The following MAP3K20 variants were observed in gnomAD, a reference collection of about 807,000 sequenced individuals.
The protein encoded by MAP3K20 is mitogen-activated protein kinase kinase kinase 20.
Under a neutral mutation model 85.7 loss-of-function variants are expected in MAP3K20, and 40 were observed. That is an observed-to-expected ratio of 0.47 (90% confidence interval 0.36 to 0.61). The LOEUF (loss-of-function observed/expected upper bound fraction) is 0.61, where lower values mean the gene tolerates loss of function less well. MAP3K20 is among the 20% of genes least tolerant of loss of function. MAP3K20 has a pLI of 0.00. For missense variants in MAP3K20, 817 were observed against 961.7 expected, an observed-to-expected ratio of 0.85 and a Z score of 1.99; for synonymous variants, 325 against 327.7, an observed-to-expected ratio of 0.99 and a Z score of 0.09.
intron 18 of MAP3K20, among the ~76,000 whole-genome samples, chr2:173,261,338 C>T (rs1685287157): frequency 6.6e-6 from 1 of 152,208 alleles, no homozygotes; most frequent in African/African-American, 2.4e-5. Flanking sequence ...ACAGGATAAA[C>T]TTACCCAGAT....
intron 9 of MAP3K20, 69 bp downstream of exon 9, chr2:173,203,939 A>C: frequency 1.4e-6 from 2 of 1,401,954 alleles, no homozygotes; most frequent in Non-Finnish European, 2.0e-6. Flanking sequence ...CAGTTTTTAA[A>C]ACTTAGGGTA....
chr2:173,104,659 A>G (rs1687735478), intron 2 of MAP3K20, among the ~76,000 whole-genome samples: 2 of 152,150 alleles, frequency 1.3e-5, no homozygotes, highest in South Asian at 4.1e-4. Context: ...GGCAAGAAGA[A>G]CTATCTGTAC....
rs921179281 is a variant in MAP3K20 at position 173,267,791 on chromosome 2, T to A, written c.*1041T>A. ...CCAGAGAAATTTAAAATTACCAACA[T>A]CCTTGTTGGAGTAAGACAGTAAATA... On this transcript the variant is annotated 3_prime_UTR_variant, in exon 20 of 20. Transcript: ENST00000375213. The A allele has an allele frequency of 6.6e-6, 1 of 152,156 alleles. No individual in the cohort carries two copies. The highest frequency in any genetic ancestry group is 1.5e-5 in the Non-Finnish European group (1 of 68,046). The allele number at this position is 152,156 out of a possible 1,614,324, so 9.4% of individuals were successfully genotyped here. A position where few individuals can be genotyped will look rare whatever the true frequency, so the allele number is the denominator to read the frequency against.
intron 2 of MAP3K20, among the ~76,000 whole-genome samples, chr2:173,161,038 A>G (rs1353570857): frequency 1.3e-5 from 2 of 152,250 alleles, no homozygotes; most frequent in Admixed American, 6.5e-5. Flanking sequence ...AATTGGAAAT[A>G]GAGGGTTTAA....
chr2:173,216,474 G>T (rs1684074293), intron 10 of MAP3K20, among the ~76,000 whole-genome samples: 2 of 151,418 alleles, frequency 1.3e-5, no homozygotes, highest in Non-Finnish European at 2.9e-5. Flanking sequence ...TCTAAGGAAG[G>T]GTCCTAGAAA....
At position 173,209,733 on chromosome 2, in the gene MAP3K20, G is replaced by A. The variant is rs1683817384; in HGVS notation, c.749G>A (p.Arg250Gln). 2.5e-6 allele frequency: 4 copies of A among 1,603,244 alleles called. No homozygotes were observed. The highest frequency in any genetic ancestry group is 2.6e-6 in the Non-Finnish European group (3 of 1,175,578). Residue 250 changes from arginine to glutamine, a missense_variant, in exon 10 of 20, where the codon CGG (arginine) becomes CAG (glutamine). By Grantham distance (43) the Arg-to-Gln change is conservative (BLOSUM62 1). Coordinates refer to ENST00000375213, the MANE Select transcript of MAP3K20 (RefSeq NM_016653.3). ...TACTTATTTTCTCTTCTTCAGAAAC[G>A]GCCATCATTCAAGCAAATCATTTCA... The part of the protein sequence containing the change: ...HQCWEADAKK[R>Q]PSFKQIISIL...
intron 3 of MAP3K20, among the ~76,000 whole-genome samples, chr2:173,178,299 T>C (rs2106260259): frequency 6.6e-6 from 1 of 152,286 alleles, no homozygotes; most frequent in East Asian, 1.9e-4. Flanking sequence ...ACAATTGTCT[T>C]AAAAAGATAC....
chr2:173,262,907 G>A (rs899648053), intron 18 of MAP3K20, among the ~76,000 whole-genome samples: 4 of 152,216 alleles, frequency 2.6e-5, no homozygotes, highest in African/African-American at 9.6e-5. Context: ...AGAACAACCA[G>A]ATTCTACCTC....
intron 2 of MAP3K20, among the ~76,000 whole-genome samples, chr2:173,139,346 T>C (rs1400000500): frequency 1.3e-5 from 2 of 152,242 alleles, no homozygotes; most frequent in Non-Finnish European, 2.9e-5. Context: ...GAATTCTGAT[T>C]GCTTATGAAG....
At chr2:173,164,901 A>G (rs1359241223) in intron 2 of MAP3K20, among the ~76,000 whole-genome samples, 1 of 152,176 alleles carries the variant, frequency 6.6e-6, no homozygotes, top group African/African-American at 2.4e-5. Context: ...ACAAACAACA[A>G]AATACTCACG....
intron 2 of MAP3K20, among the ~76,000 whole-genome samples, chr2:173,156,542 A>G (rs1689477376): frequency 6.6e-6 from 1 of 152,104 alleles, no homozygotes; most frequent in Admixed American, 6.6e-5. Flanking sequence ...TCAGGATAAA[A>G]CTGTTTCACC....
intron 2 of MAP3K20, among the ~76,000 whole-genome samples, chr2:173,168,166 GTGGA>G (rs1689893357): frequency 6.6e-6 from 1 of 151,806 alleles, no homozygotes; most frequent in South Asian, 2.1e-4. Flanking sequence ...GGGTTGCCAT[GTGGA>G]TGAATAGTTG....
intron 11 of MAP3K20, chr2:173,224,601 G>C (rs918613067): frequency 1.0e-6 from 1 of 985,132 alleles, no homozygotes. Flanking sequence ...AAAGGAATTA[G>C]AATACAGCAG....
chr2:173,209,993 A>T, intron 10 of MAP3K20, 158 bp downstream of exon 10: 1 of 642,510 alleles, frequency 1.6e-6, no homozygotes, highest in Admixed American at 2.8e-5. Flanking sequence ...AACTCTTATA[A>T]GTCCTGCATT....
intron 2 of MAP3K20, among the ~76,000 whole-genome samples, chr2:173,122,976 C>T (rs902520653): frequency 1.3e-5 from 2 of 152,168 alleles, no homozygotes; most frequent in Non-Finnish European, 2.9e-5. Context: ...AGAGATGCAG[C>T]GCTCCCCTCA....
intron 19 of MAP3K20, among the ~76,000 whole-genome samples, chr2:173,264,308 C>T (rs1179946034): frequency 6.6e-6 from 1 of 152,158 alleles, no homozygotes; most frequent in African/African-American, 2.4e-5. Context: ...GCTCCAGGTG[C>T]AGTAAGATAA....
intron 2 of MAP3K20, among the ~76,000 whole-genome samples, chr2:173,154,384 C>G (rs4338932): frequency 0.77 from 117,651 of 151,808 alleles, 45,808 homozygotes; most frequent in East Asian, 0.87. Context: ...GGGTTTCACT[C>G]TGTTGGCCAG....
At chr2:173,216,962 G>C (rs1359169986) in intron 10 of MAP3K20, among the ~76,000 whole-genome samples, 153 bp from the exon 11 acceptor site, 3 of 152,162 alleles carry the variant, frequency 2.0e-5, no homozygotes, top group Non-Finnish European at 2.9e-5. Flanking sequence ...TGATATTTAA[G>C]GACATGAAAG....
At chr2:173,096,409 C>A (rs555540983) in intron 2 of MAP3K20, among the ~76,000 whole-genome samples, 1 of 151,596 alleles carries the variant, frequency 6.6e-6, no homozygotes, top group East Asian at 1.9e-4. Flanking sequence ...GTGCAATCTC[C>A]GTTCACTGCA....
Sources: gnomAD v4.1 joint callset for allele counts (sites outside exome capture counted in the v4.1 genomes callset) on GRCh38, gnomAD v4.1.1 for gene constraint, MANE v1.5 for transcripts, NCBI Gene and HGNC (gene_info 2026-07-23, HGNC 2026-07-21) for gene names.